The following NRXN3 variants were observed in gnomAD, a reference collection of about 807,000 sequenced individuals.
NRXN3 encodes the protein neurexin III.
In NRXN3, 32 loss-of-function variants were observed where a neutral mutation model predicts 137.6. The observed-to-expected ratio is 0.23, with a 90% CI of 0.18 to 0.31. The LOEUF (loss-of-function observed/expected upper bound fraction) is 0.31. Ranked by LOEUF, NRXN3 falls within the 10% of genes least tolerant of loss-of-function variation. NRXN3 has a pLI of 1.00. For synonymous variants in NRXN3, 798 were observed against 784.5 expected (o/e 1.02, Z -0.29); for missense variants, 1,574 against 2,062.5 (o/e 0.76, Z 4.59).
chr14:79,545,096 T>G (rs766404169), intron 16 of NRXN3, among the ~76,000 whole-genome samples: 2 of 152,180 alleles, frequency 1.3e-5, no homozygotes, highest in Non-Finnish European at 2.9e-5. Flanking sequence ...CTCACTTATG[T>G]GTTTGTTCTC....
intron 4 of NRXN3, among the ~76,000 whole-genome samples, chr14:78,436,190 C>T (rs1383354482): frequency 1.3e-5 from 2 of 152,130 alleles, no homozygotes. Flanking sequence ...AAGAACATCT[C>T]AGGTATAGGA....
chr14:79,150,635 A>T (rs2059712565), intron 15 of NRXN3, among the ~76,000 whole-genome samples: 1 of 151,856 alleles, frequency 6.6e-6, no homozygotes, highest in Non-Finnish European at 1.5e-5. Flanking sequence ...ACCTCCCAGT[A>T]GGAGATCCAC....
chr14:78,662,137 G>T (rs1455608750), intron 6 of NRXN3, among the ~76,000 whole-genome samples: 1 of 151,880 alleles, frequency 6.6e-6, no homozygotes, highest in Non-Finnish European at 1.5e-5. Flanking sequence ...CTCCCAAAGT[G>T]CTGGGATTAC....
chr14:79,631,301 G>T lies in NRXN3; in HGVS notation c.3445-32477G>T, dbSNP rs111529789. Reference sequence around the variant, plus strand: ...GGAGGTACTTTTGAGAGGTGACAACGTGCTAGCAGCCCTCGCTCGCTCTTG... The same window carrying T: ...GGAGGTACTTTTGAGAGGTGACAACTTGCTAGCAGCCCTCGCTCGCTCTTG... On this transcript the variant is annotated intron_variant, in intron 16 of 20. Coordinates refer to ENST00000335750, the MANE Select transcript of NRXN3 (RefSeq NM_001330195.2). Among the ~76,000 whole-genome samples, 97 of 152,386 alleles carry T rather than the reference G, an allele frequency of 6.4e-4. 2 individuals are homozygous for T. The South Asian group carries it at 0.015, about 23-fold the overall frequency.
In NRXN3 at chr14:78,651,324, G is replaced by C; in HGVS notation, c.1219G>C (p.Glu407Gln). Residue 407 changes from glutamate (E) to glutamine (Q), a missense_variant and splice_region_variant, in exon 6 of 21, where the codon GAG becomes CAG. Coordinates refer to ENST00000335750, the MANE Select transcript of NRXN3 (RefSeq NM_001330195.2). ...CAACAACTTCATGGGCTGCCTTAAA[G>C]AGGTAAAGTTCACCCAATTCTATTT... is the stretch of plus-strand genomic sequence containing the variant. ...VSNNFMGCLK[E>Q]VVYKNNDIRL... is the part of the protein sequence containing the mutation. 6.2e-7 allele frequency: 1 copy of C among 1,613,864 alleles called. No individual in the cohort carries two copies.
At chr14:79,400,308 T>G (rs2167152) in intron 15 of NRXN3, among the ~76,000 whole-genome samples, 2 of 151,948 alleles carry the variant, frequency 1.3e-5, no homozygotes, top group Middle Eastern at 6.8e-3. Context: ...TACGTAGGCA[T>G]AGGTCCGACC....
chr14:79,743,823 A>G (rs2098970630), intron 19 of NRXN3, among the ~76,000 whole-genome samples: 1 of 152,188 alleles, frequency 6.6e-6, no homozygotes, highest in Non-Finnish European at 1.5e-5. Context: ...AGGTAGAAGC[A>G]GACTCTGGCT....
chr14:78,988,955 T>C (rs1322417180), intron 15 of NRXN3, among the ~76,000 whole-genome samples: 1 of 152,202 alleles, frequency 6.6e-6, no homozygotes, highest in East Asian at 1.9e-4. Context: ...CTAGCACTGA[T>C]GGTGGAGACA....
intron 10 of NRXN3, among the ~76,000 whole-genome samples, chr14:78,877,332 G>A (rs1567587412): frequency 1.3e-5 from 2 of 152,008 alleles, no homozygotes; most frequent in African/African-American, 2.4e-5. Context: ...TTTTCTGAAG[G>A]TCCCCATTCC....
chr14:79,668,311 G>T (rs757341317), intron 17 of NRXN3, among the ~76,000 whole-genome samples: 3 of 152,052 alleles, frequency 2.0e-5, no homozygotes, highest in Non-Finnish European at 2.9e-5. Flanking sequence ...CATTGCTATA[G>T]TACTTATTGA....
intron 15 of NRXN3, among the ~76,000 whole-genome samples, chr14:79,412,782 C>CAAAAAAAAAAAAAAA (rs71103803): frequency 1.7e-5 from 1 of 59,736 alleles, no homozygotes. Flanking sequence ...GACTCTGTCT[C>CAAAAAAAAAAAAAAA]AAAAAAAAAA....
chr14:79,089,245 A>G, intron 15 of NRXN3, among the ~76,000 whole-genome samples: 1 of 152,194 alleles, frequency 6.6e-6, no homozygotes, highest in South Asian at 2.1e-4. Flanking sequence ...TTGATTGCCT[A>G]ACAATATATT....
intron 14 of NRXN3, among the ~76,000 whole-genome samples, chr14:78,971,053 G>C (rs1042508271): frequency 3.3e-5 from 5 of 152,128 alleles, no homozygotes; most frequent in Non-Finnish European, 5.9e-5. Context: ...GGCCCAAAAT[G>C]GGTTAAGGCA....
chr14:79,332,102 TTAAAG>T (rs2091766967), intron 15 of NRXN3, among the ~76,000 whole-genome samples: 1 of 152,204 alleles, frequency 6.6e-6, no homozygotes, highest in Non-Finnish European at 1.5e-5. Flanking sequence ...TGGGCATGTG[TTAAAG>T]ATACAAAAAT....
rs1196337149 is a variant in NRXN3, at chr14:79,865,809, T to A, written c.*3845T>A. ...CCCAGCTCATTTTTTAATTTATTTT[T>A]TATTTTTTTAGTAAGGAAGGGTTTC... On this transcript the variant is annotated 3_prime_UTR_variant, in exon 21 of 21. Transcript: ENST00000335750. 5 of 152,250 alleles carry A rather than the reference T, an allele frequency of 3.3e-5. No individual in the cohort carries two copies. The highest frequency in any genetic ancestry group is 2.1e-4 in the South Asian group (1 of 4,824). The allele number at this position is 152,250 out of a possible 1,614,324, so 9.4% of individuals were successfully genotyped here. A position where few individuals can be genotyped will look rare whatever the true frequency, so the allele number is the denominator to read the frequency against.
chr14:78,275,875 A>G (rs1369244999), intron 2 of NRXN3, among the ~76,000 whole-genome samples: 1 of 152,138 alleles, frequency 6.6e-6, no homozygotes, highest in Non-Finnish European at 1.5e-5. Flanking sequence ...TGGCAGATAG[A>G]CACTGCTAAG....
chr14:78,350,987 A>G (rs1469194316), intron 4 of NRXN3, among the ~76,000 whole-genome samples: 1 of 152,066 alleles, frequency 6.6e-6, no homozygotes, highest in Non-Finnish European at 1.5e-5. Flanking sequence ...AAAAAAAATT[A>G]CAGGTAAAGT....
chr14:78,835,061 C>G (rs1012687912), intron 10 of NRXN3, among the ~76,000 whole-genome samples: 1 of 152,038 alleles, frequency 6.6e-6, no homozygotes, highest in African/African-American at 2.4e-5. Context: ...CTGTATCTAT[C>G]TACTTATGTC....
chr14:78,661,086 C>T (rs2097837043), intron 6 of NRXN3, among the ~76,000 whole-genome samples: 1 of 152,130 alleles, frequency 6.6e-6, no homozygotes, highest in Admixed American at 6.5e-5. Context: ...TTCCTAAAGA[C>T]TAGACAATTG....
Sources: gnomAD v4.1 joint callset for allele counts (sites outside exome capture counted in the v4.1 genomes callset) on GRCh38, gnomAD v4.1.1 for gene constraint, MANE v1.5 for transcripts, NCBI Gene and HGNC (gene_info 2026-07-23, HGNC 2026-07-21) for gene names.